The following EYS variants were observed in gnomAD, a reference collection of about 807,000 sequenced individuals.
EYS encodes the protein protein eyes shut homolog.
Under a neutral mutation model 282.1 loss-of-function variants are expected in EYS, and 250 were observed. The ratio of observed to expected loss-of-function variants is 0.89; its 90% CI spans 0.80 to 0.98. The LOEUF (loss-of-function observed/expected upper bound fraction) is 0.98, where lower values mean the gene tolerates loss of function less well. Among genes scored for constraint, EYS ranks in the 50% least tolerant of loss-of-function variants. EYS has a pLI of 0.00. For missense variants in EYS, 4,016 were observed against 3,709.0 expected, an observed-to-expected ratio of 1.08 and a Z score of -2.15; for synonymous variants, 1,355 against 1,282.9, an observed-to-expected ratio of 1.06 and a Z score of -1.20.
chr6:65,444,149 T>C (rs908302165), intron 5 of EYS, among the ~76,000 whole-genome samples: 2 of 152,018 alleles, frequency 1.3e-5, no homozygotes, highest in Admixed American at 1.3e-4. Context: ...GTCAATTTCC[T>C]TAACCCACAT....
chr6:65,694,784 A>G (rs1276163996), intron 1 of EYS, among the ~76,000 whole-genome samples: 1 of 137,964 alleles, frequency 7.2e-6, no homozygotes. Context: ...AGCCATTTAT[A>G]TTTGTCCATA....
At chr6:63,888,670 A>G (rs1345135426) in intron 35 of EYS, among the ~76,000 whole-genome samples, 1 of 152,228 alleles carries the variant, frequency 6.6e-6, no homozygotes, top group East Asian at 1.9e-4. Flanking sequence ...TGATAAATCC[A>G]TGAAGATGTG....
At chr6:64,057,247 G>A (rs1209924993) in intron 33 of EYS, among the ~76,000 whole-genome samples, 2 of 152,110 alleles carry the variant, frequency 1.3e-5, no homozygotes, top group South Asian at 4.1e-4. Flanking sequence ...GTGGAAAAGA[G>A]TTCAGATGTT....
At chr6:64,776,107 A>T (rs1246237454) in intron 22 of EYS, among the ~76,000 whole-genome samples, 1 of 152,066 alleles carries the variant, frequency 6.6e-6, no homozygotes, top group Non-Finnish European at 1.5e-5. Flanking sequence ...TATCACACAA[A>T]TCACTCAGCT....
At chr6:64,068,137 A>T (rs1771445511) in intron 32 of EYS, among the ~76,000 whole-genome samples, 1 of 152,112 alleles carries the variant, frequency 6.6e-6, no homozygotes, top group African/African-American at 2.4e-5. Context: ...GCTGATCCAT[A>T]GCCTTATCAT....
chr6:65,378,926 A>G (rs1168203334), intron 8 of EYS, among the ~76,000 whole-genome samples: 4 of 151,978 alleles, frequency 2.6e-5, no homozygotes, highest in Non-Finnish European at 5.9e-5. Context: ...GGAGAAATAT[A>G]TAATGTAGAT....
intron 12 of EYS, among the ~76,000 whole-genome samples, chr6:65,063,087 T>C (rs1403582315): frequency 6.6e-6 from 1 of 151,888 alleles, no homozygotes; most frequent in Non-Finnish European, 1.5e-5. Context: ...ATTATTAGTA[T>C]ATGAAAATTA....
At chr6:64,287,431 G>T (rs537518952) in intron 30 of EYS, among the ~76,000 whole-genome samples, 1 of 152,064 alleles carries the variant, frequency 6.6e-6, no homozygotes, top group East Asian at 1.9e-4. Flanking sequence ...ATATACATAT[G>T]GTATACTGAA....
Position 65,334,983 on chromosome 6 carries a change from G to C in EYS, c.1763C>G (p.Pro588Arg), listed in dbSNP as rs1033362579. 4.4e-6 allele frequency: 7 copies of C among 1,605,618 alleles called. No individual in the cohort carries two copies. In the East Asian group the frequency reaches 6.7e-5, roughly 15 times the overall value. The change falls in exon 11 of 43, where the codon CCC becomes CGC. Residue 588 changes from proline to arginine, a missense_variant. Physicochemically the swap from Pro to Arg is moderately radical, Grantham distance 103. Coordinates refer to ENST00000503581, the MANE Select transcript of EYS (RefSeq NM_001142800.2). ...EAVCKDEINR[P>R]RCSCSLSYIG... ...TGCTCAAATGATACATAAATACCTG[G>C]GTCTATTAATTTCATCTTTACAAAC...
intron 12 of EYS, among the ~76,000 whole-genome samples, chr6:65,105,409 C>A (rs1775007887): frequency 6.6e-6 from 1 of 151,772 alleles, no homozygotes; most frequent in Admixed American, 6.6e-5. Context: ...TCATTATATA[C>A]ACACACGTAC....
intron 2 of EYS, among the ~76,000 whole-genome samples, chr6:65,570,491 C>T (rs1388824719): frequency 1.3e-5 from 2 of 152,142 alleles, no homozygotes; most frequent in Non-Finnish European, 2.9e-5. Flanking sequence ...GAGTTACTAT[C>T]TACTTCACCC....
intron 12 of EYS, among the ~76,000 whole-genome samples, chr6:65,102,356 G>A (rs1040781632): frequency 2.6e-5 from 4 of 151,070 alleles, no homozygotes; most frequent in East Asian, 1.9e-4. Context: ...ATATTTATTC[G>A]ATGCTAATTT....
intron 41 of EYS, among the ~76,000 whole-genome samples, chr6:63,751,985 A>C (rs1582171079): frequency 6.6e-6 from 1 of 152,326 alleles, no homozygotes; most frequent in East Asian, 1.9e-4. Flanking sequence ...AGGCAAAGAC[A>C]TCTGGTGACT....
intron 22 of EYS, among the ~76,000 whole-genome samples, chr6:64,718,909 G>A (rs942680340): frequency 2.0e-5 from 3 of 152,134 alleles, no homozygotes; most frequent in Non-Finnish European, 4.4e-5. Flanking sequence ...CGGAAAAGTG[G>A]ACTTTGCCAA....
intron 22 of EYS, among the ~76,000 whole-genome samples, chr6:64,704,690 A>G (rs1770939118): frequency 6.6e-6 from 1 of 151,760 alleles, no homozygotes; most frequent in African/African-American, 2.4e-5. Context: ...TTTTGGAGCT[A>G]TGTTTCATGA....
At chr6:63,879,995 TG>T (rs1292093013) in intron 35 of EYS, among the ~76,000 whole-genome samples, 2 of 152,310 alleles carry the variant, frequency 1.3e-5, no homozygotes, top group Non-Finnish European at 2.9e-5. Context: ...GAAGTAGAGA[TG>T]CTGTGATTTT....
intron 31 of EYS, among the ~76,000 whole-genome samples, chr6:64,084,143 C>G (rs1772070019): frequency 6.6e-6 from 1 of 152,176 alleles, no homozygotes. Flanking sequence ...ATTTTAGTTG[C>G]TAGATCTGGC....
intron 22 of EYS, among the ~76,000 whole-genome samples, chr6:64,725,766 A>G (rs563954332): frequency 2.3e-4 from 35 of 151,954 alleles, no homozygotes; most frequent in African/African-American, 8.0e-4. Context: ...TCCATGTCTT[A>G]TTGATTTCAC....
intron 31 of EYS, among the ~76,000 whole-genome samples, chr6:64,113,261 A>G (rs1165735738): frequency 2.0e-5 from 3 of 152,124 alleles, no homozygotes; most frequent in African/African-American, 7.2e-5. Flanking sequence ...TAGTTTTAAG[A>G]ATGTTTTCAC....
Sources: gnomAD v4.1 joint callset for allele counts (sites outside exome capture counted in the v4.1 genomes callset) on GRCh38, gnomAD v4.1.1 for gene constraint, MANE v1.5 for transcripts, NCBI Gene and HGNC (gene_info 2026-07-23, HGNC 2026-07-21) for gene names.